Variants in RNF213 observed in about 807,000 individuals in gnomAD.
RNF213 encodes E3 ubiquitin-protein ligase RNF213.
RNF213 carries 341 observed loss-of-function variants against 514.4 expected under a neutral mutation model. The observed-to-expected ratio is 0.66, with a 90% CI of 0.61 to 0.73. RNF213 has a LOEUF of 0.73. Ranked by LOEUF, RNF213 falls within the 30% of genes least tolerant of loss-of-function variation. The pLI is 0.00. For missense variants in RNF213, 5,767 were observed against 6,615.6 expected (o/e 0.87, Z 4.45); for synonymous variants, 2,655 against 2,658.2 (o/e 1.00, Z 0.04).
intron 3 of RNF213, among the ~76,000 whole-genome samples, chr17:80,287,576 G>A (rs900102181): frequency 3.3e-5 from 5 of 152,222 alleles, no homozygotes; most frequent in Admixed American, 6.5e-5. Context: ...GTCTCAGCCC[G>A]GCCGTGACCG....
chr17:80,387,375 G>C (rs888734640), intron 63 of RNF213, among the ~76,000 whole-genome samples: 6 of 152,202 alleles, frequency 3.9e-5, no homozygotes, highest in African/African-American at 1.4e-4. Context: ...CAAAGTGCTG[G>C]GATTATAGGC....
chr17:80,388,984 G>A (rs2080351541), intron 64 of RNF213, 189 bp from the exon 65 acceptor site: 1 of 639,470 alleles, frequency 1.6e-6, no homozygotes, highest in African/African-American at 1.8e-5. Context: ...TGCGGGTACT[G>A]ATAGGTAGAC....
intron 36 of RNF213, chr17:80,354,948 T>C (rs995046179): frequency 2.8e-5 from 10 of 362,362 alleles, no homozygotes; most frequent in Admixed American, 3.8e-5. Flanking sequence ...ACAGGCGGGA[T>C]TTTCCCAGTC....
rs2079348685 is a variant in RNF213, at chr17:80,367,999, C to G, written c.12011C>G (p.Ala4004Gly). ...CCGTGCTCCATCTGCCTGGGAGATG[C>G]AAAGGACCCCGTCTGTCTGCCCTGC... is the stretch of plus-strand genomic sequence containing the variant. ...IQPCSICLGDAKDPVCLPCDH... is the reference protein window; with the variant it reads ...IQPCSICLGDGKDPVCLPCDH... The change falls in exon 44 of 68, where the codon GCA (alanine) becomes GGA (glycine). Residue 4004 changes from alanine (A) to glycine (G), a missense_variant. Physicochemically the swap from Ala to Gly is moderately conservative, Grantham distance 60. This residue lies in a region of RNF213 where 25 missense variants were observed against 53.1 expected (regional missense o/e 0.47). Coordinates refer to ENST00000582970, the MANE Select transcript of RNF213 (RefSeq NM_001256071.3). 1 of 1,614,098 alleles carries G rather than the reference C, an allele frequency of 6.2e-7. No homozygotes were observed. The highest frequency in any genetic ancestry group is 1.3e-5 in the African/African-American group (1 of 74,926).
Position 80,340,055 on chromosome 17 carries a change from CG to C in RNF213, c.5689del (p.Ala1897GlnfsTer4). 1 of 1,568,020 alleles carries C rather than the reference CG, an allele frequency of 6.4e-7. No individual in the cohort carries two copies. Among genetic ancestry groups the C allele is most frequent in the Non-Finnish European group, 8.6e-7 (1 of 1,160,884 alleles). Reference sequence around the variant, plus strand: ...GGCACAAGGTCTACAGCCTGCTGTTCGCAGATCAGCTGAGCTACGAGGTGGC... The same window carrying C: ...GGCACAAGGTCTACAGCCTGCTGTTCCAGATCAGCTGAGCTACGAGGTGGC... ...LGHKVYSLLF[A>X]DQLSYEVARQ... On this transcript the variant is annotated frameshift_variant, in exon 26 of 68. Transcript: ENST00000582970. LOFTEE classifies it high-confidence loss of function.
At chr17:80,325,339 G>A in intron 18 of RNF213, 141 bp downstream of exon 18, 1 of 818,814 alleles carries the variant, frequency 1.2e-6, no homozygotes, top group Non-Finnish European at 1.8e-6. Context: ...AGTTTGGACA[G>A]AGAGACCCTG....
chr17:80,389,708 A>G, intron 65 of RNF213, 120 bp from the exon 66 acceptor site: 2 of 859,946 alleles, frequency 2.3e-6, no homozygotes, highest in Non-Finnish European at 3.9e-6. Flanking sequence ...AGATCACATT[A>G]GTACAGGGCA....
chr17:80,356,923 G>GTT (rs35344484), intron 36 of RNF213, among the ~76,000 whole-genome samples: 31,851 of 145,654 alleles, frequency 0.22, 5,309 homozygotes, highest in African/African-American at 0.47. Context: ...ACCTTGTGGG[G>GTT]TTTTTTTTTT....
chr17:80,325,529 A>T (rs889249157), intron 18 of RNF213, among the ~76,000 whole-genome samples: 1 of 152,146 alleles, frequency 6.6e-6, no homozygotes, highest in Non-Finnish European at 1.5e-5. Context: ...TGGAGAAGGC[A>T]ATGCGACTTA....
At chr17:80,384,656 C>T (rs1384539071) in intron 59 of RNF213, among the ~76,000 whole-genome samples, 2 of 152,160 alleles carry the variant, frequency 1.3e-5, no homozygotes, top group Non-Finnish European at 2.9e-5. Flanking sequence ...CCTAGGTCTT[C>T]GGAAGGACAC....
intron 37 of RNF213, among the ~76,000 whole-genome samples, chr17:80,359,554 AG>A (rs2078969640): frequency 1.5e-5 from 2 of 131,694 alleles, no homozygotes; most frequent in African/African-American, 5.6e-5. Context: ...AAAAAAAAAG[AG>A]TGAGAGAGGG....
intron 39 of RNF213, 121 bp downstream of exon 39, chr17:80,362,009 C>A (rs1599132004): frequency 1.7e-6 from 2 of 1,202,948 alleles, no homozygotes; most frequent in East Asian, 2.6e-5. Flanking sequence ...GGGAACAGAA[C>A]ATGGTCAGCG....
chr17:80,319,660 A>G (rs2046072484), intron 17 of RNF213: 11 of 1,484,110 alleles, frequency 7.4e-6, no homozygotes, highest in Admixed American at 2.2e-5. Context: ...ACACTTGCTC[A>G]GTAGGTGTGC....
In RNF213 at chr17:80,278,443, C is replaced by T. The variant is rs147181458; in HGVS notation, c.261+5039C>T. The stretch of plus-strand genomic sequence containing the variant: ...GCATTCGTGTGGAGGCCCGGGGCGC[C>T]GGGAGCCTGGTAGGGTGCTGGGAGC... On this transcript the variant is annotated intron_variant, in intron 3 of 67. Transcript: ENST00000582970. 7.0e-4 allele frequency among the ~76,000 whole-genome samples: 106 copies of T among 152,298 alleles called. No individual in the cohort carries two copies. In the East Asian group the frequency reaches 0.02, roughly 28 times the overall value.
intron 2 of RNF213, among the ~76,000 whole-genome samples, chr17:80,268,088 C>T (rs761923278): frequency 1.7e-4 from 26 of 151,910 alleles, no homozygotes; most frequent in Non-Finnish European, 2.9e-4. Flanking sequence ...CCCAAAGTAC[C>T]GGGGCTATAG....
chr17:80,382,953 C>A, intron 57 of RNF213, 26 bp from the exon 58 acceptor site: 1 of 1,478,094 alleles, frequency 6.8e-7, no homozygotes, highest in Non-Finnish European at 9.5e-7. Flanking sequence ...CCTTGGGTAA[C>A]CTACACATTT....
At chr17:80,272,595 A>G (rs1462847635) in intron 2 of RNF213, among the ~76,000 whole-genome samples, 1 of 152,134 alleles carries the variant, frequency 6.6e-6, no homozygotes, top group Admixed American at 6.5e-5. Flanking sequence ...CTCACGACCC[A>G]CAGACCTCCC....
rs534333539 is a variant in RNF213 at position 80,273,534 on chromosome 17, C to G, written c.261+130C>G. 2.7e-4 allele frequency: 324 copies of G among 1,188,928 alleles called. 1 individual carries two copies. In the East Asian group the frequency reaches 6.1e-3, roughly 22 times the overall value. 73.6% of individuals were successfully genotyped at this position (1,188,928 alleles called of 1,614,324 possible). A position where few individuals can be genotyped will look rare whatever the true frequency, so the allele number is the denominator to read the frequency against. On this transcript the variant is annotated intron_variant, in intron 3 of 67. Transcript: ENST00000582970. ...CCCATTGAACCTGCCCACAGGGCAG[C>G]AGCAGAGCTGCCCCTTCTGCACCTG... is the stretch of plus-strand genomic sequence containing the variant.
In RNF213 at chr17:80,358,873, C is replaced by T. The variant is rs563711571; in HGVS notation, c.11054+394C>T. ...GCAGTGAGCCGAGATGGCGCCACTGCACTCCAGCCTGGTGACAGAGCAAGA... is the reference window on the plus strand; with the variant it reads ...GCAGTGAGCCGAGATGGCGCCACTGTACTCCAGCCTGGTGACAGAGCAAGA... On this transcript the variant is annotated intron_variant, in intron 37 of 67. Transcript: ENST00000582970. 2.0e-5 allele frequency among the ~76,000 whole-genome samples: 3 copies of T among 152,258 alleles called. No homozygotes were observed. The South Asian group carries it at 6.2e-4, about 32-fold the overall frequency.
Sources: allele counts gnomAD v4.1 joint callset (sites outside exome capture counted in the v4.1 genomes callset), GRCh38; gene constraint gnomAD v4.1.1; regional missense constraint gnomAD v4.1.1; transcripts MANE v1.5; gene names NCBI Gene and HGNC (gene_info 2026-07-23, HGNC 2026-07-21).